SUGCT: variants seen among roughly 807,000 people sequenced by gnomAD.
SUGCT encodes succinyl-CoA:glutarate CoA-transferase.
In SUGCT, 41 loss-of-function variants were observed where a neutral mutation model predicts 55.0. The observed-to-expected ratio is 0.74, with a 90% CI of 0.58 to 0.97. The LOEUF (loss-of-function observed/expected upper bound fraction) is 0.97. SUGCT is among the 50% of genes least tolerant of loss of function. The pLI, the probability that SUGCT is intolerant of heterozygous loss-of-function variation, is 0.00. For synonymous variants in SUGCT, 187 were observed against 200.4 expected (o/e 0.93, Z 0.56); for missense variants, 568 against 547.8 (o/e 1.04, Z -0.37).
intron 9 of SUGCT, among the ~76,000 whole-genome samples, chr7:40,412,609 T>C (rs1412183539): frequency 1.3e-5 from 2 of 152,178 alleles, no homozygotes; most frequent in Admixed American, 6.5e-5. Context: ...CCATTTTATG[T>C]CTCCCATAAT....
intron 7 of SUGCT, among the ~76,000 whole-genome samples, chr7:40,265,586 T>C (rs1791513201): frequency 6.6e-6 from 1 of 152,130 alleles, no homozygotes; most frequent in African/African-American, 2.4e-5. Context: ...AATTCTTAAA[T>C]TGTGTATGTA....
At chr7:40,846,221 C>A (rs1793548682) in intron 13 of SUGCT, among the ~76,000 whole-genome samples, 1 of 151,976 alleles carries the variant, frequency 6.6e-6, no homozygotes, top group Non-Finnish European at 1.5e-5. Context: ...GGGAATGCGC[C>A]CAAAGAGCTT....
At chr7:40,881,282 C>T in the SUGCT span, among the ~76,000 whole-genome samples, 17 of 152,166 alleles carry the variant, frequency 1.1e-4, no homozygotes, top group African/African-American at 3.9e-4. Context: ...TTCTATGTTT[C>T]CTACATTCCC....
chr7:40,552,153 CTG>C (rs962861667), intron 12 of SUGCT, among the ~76,000 whole-genome samples: 14 of 152,170 alleles, frequency 9.2e-5, no homozygotes, highest in African/African-American at 2.9e-4. Flanking sequence ...TGTGAGTACA[CTG>C]TGATACATTG....
At chr7:40,237,113 G>A (rs192240624) in intron 6 of SUGCT, among the ~76,000 whole-genome samples, 2,360 of 151,418 alleles carry the variant, frequency 0.016, 25 homozygotes, top group African/African-American at 0.024. Flanking sequence ...GATTACAGGC[G>A]TGAGCCACCG....
intron 12 of SUGCT, among the ~76,000 whole-genome samples, chr7:40,625,171 C>T (rs1317341289): frequency 6.6e-6 from 1 of 152,098 alleles, no homozygotes; most frequent in Non-Finnish European, 1.5e-5. Context: ...TCCTGGCGAA[C>T]TCTTGACCTG....
At chr7:40,588,257 G>C (rs1797511822) in intron 12 of SUGCT, among the ~76,000 whole-genome samples, 1 of 149,782 alleles carries the variant, frequency 6.7e-6, no homozygotes, top group Admixed American at 6.7e-5. Context: ...ATACTTTTAA[G>C]TTTTAGGGTA....
the SUGCT span, among the ~76,000 whole-genome samples, chr7:40,872,359 AT>A: frequency 6.6e-6 from 1 of 152,164 alleles, no homozygotes; most frequent in South Asian, 2.1e-4. Flanking sequence ...TTCTTGTGAA[AT>A]TCTTATTTTG....
At chr7:40,683,755 A>G (rs1450276635) in intron 12 of SUGCT, among the ~76,000 whole-genome samples, 1 of 152,214 alleles carries the variant, frequency 6.6e-6, no homozygotes, top group Non-Finnish European at 1.5e-5. Context: ...TTGTCACTTA[A>G]GTAGGTAACT....
intron 12 of SUGCT, chr7:40,683,973 T>G: frequency 6.4e-7 from 1 of 1,568,174 alleles, no homozygotes; most frequent in African/African-American, 1.4e-5. Context: ...AGCCATTTCC[T>G]TGATCATGTG....
At chr7:40,651,763 TC>T (rs1800793972) in intron 12 of SUGCT, among the ~76,000 whole-genome samples, 1 of 152,182 alleles carries the variant, frequency 6.6e-6, no homozygotes, top group African/African-American at 2.4e-5. Flanking sequence ...ATTTCCTTCT[TC>T]CTGCTTAGTT....
chr7:40,487,813 G>A (rs1485048795), intron 11 of SUGCT, among the ~76,000 whole-genome samples: 1 of 151,696 alleles, frequency 6.6e-6, no homozygotes, highest in African/African-American at 2.4e-5. Flanking sequence ...TTTTTTCTGA[G>A]TCTAGGAACT....
chr7:40,716,008 C>T (rs995683817), intron 12 of SUGCT, among the ~76,000 whole-genome samples: 8 of 152,206 alleles, frequency 5.3e-5, no homozygotes, highest in Non-Finnish European at 1.2e-4. Context: ...TTTCCTATTT[C>T]TCTCCTGTCT....
intron 13 of SUGCT, among the ~76,000 whole-genome samples, chr7:40,783,973 G>A (rs550184047): frequency 5.3e-5 from 8 of 152,244 alleles, no homozygotes; most frequent in South Asian, 2.1e-4. Flanking sequence ...TGTCTCTATC[G>A]TTTTAGATTC....
At chr7:40,740,499 T>C (rs1787402846) in intron 12 of SUGCT, among the ~76,000 whole-genome samples, 1 of 150,978 alleles carries the variant, frequency 6.6e-6, no homozygotes, top group African/African-American at 2.4e-5. Flanking sequence ...ATAAGAGTGG[T>C]GGGAGCAGAC....
At chr7:40,904,275 C>G in the SUGCT span, among the ~76,000 whole-genome samples, 10 of 152,162 alleles carry the variant, frequency 6.6e-5, no homozygotes, top group Non-Finnish European at 1.3e-4. Flanking sequence ...TAGGATTCAT[C>G]TAAATAGGGC....
intron 11 of SUGCT, among the ~76,000 whole-genome samples, chr7:40,473,427 A>C (rs889841821): frequency 2.6e-5 from 4 of 152,186 alleles, no homozygotes; most frequent in African/African-American, 9.7e-5. Flanking sequence ...ATTAAAGTTA[A>C]AAGTTAAGAT....
chr7:40,497,510 A>C (rs943837745), intron 12 of SUGCT, among the ~76,000 whole-genome samples: 5 of 152,156 alleles, frequency 3.3e-5, no homozygotes, highest in African/African-American at 1.2e-4. Flanking sequence ...TAAGTATTTG[A>C]GATAAAGGGG....
At chr7:40,851,555 G>A (rs188668519) in intron 13 of SUGCT, among the ~76,000 whole-genome samples, 5 of 152,280 alleles carry the variant, frequency 3.3e-5, no homozygotes, top group Non-Finnish European at 1.5e-5. Flanking sequence ...CCAGGTATGG[G>A]CATATGAAGC....
Sources: gnomAD v4.1 joint callset for allele counts (sites outside exome capture counted in the v4.1 genomes callset) on GRCh38, gnomAD v4.1.1 for gene constraint, MANE v1.5 for transcripts, NCBI Gene and HGNC (gene_info 2026-07-23, HGNC 2026-07-21) for gene names.